Variants in BCR observed in about 807,000 individuals in gnomAD.
BCR encodes breakpoint cluster region protein.
A neutral mutation model predicts 138.6 loss-of-function variants in BCR; 58 were observed. That is an observed-to-expected ratio of 0.42 (90% CI 0.34 to 0.52). The LOEUF is 0.52. Among genes scored for constraint, BCR ranks in the 20% least tolerant of loss-of-function variants. BCR has a pLI of 0.06. For missense variants in BCR, 1,599 were observed against 1,727.2 expected, an observed-to-expected ratio of 0.93 and a Z score of 1.32; for synonymous variants, 786 against 730.1, an observed-to-expected ratio of 1.08 and a Z score of -1.23.
chr22:23,243,358 A>AT (rs1269576304), intron 1 of BCR, among the ~76,000 whole-genome samples: 2 of 152,174 alleles, frequency 1.3e-5, no homozygotes. Flanking sequence ...GTCTACAGCC[A>AT]TGCCAGCCTG....
At position 23,191,128 on chromosome 22, in the gene BCR, G is replaced by T. The variant is rs115423594; in HGVS notation, c.1279+8889G>T. Among the ~76,000 whole-genome samples, 1,502 of 152,160 alleles carry T rather than the reference G, an allele frequency of 9.9e-3. 21 individuals carry two copies. The highest frequency in any genetic ancestry group is 0.035 in the African/African-American group (1,432 of 41,494). ...TTAATTTTTGTTGAGACAGGGTCTT[G>T]CTTTGTTGCCCAGGCTGGTCTCAAA... On this transcript the variant is annotated intron_variant, in intron 1 of 22. Coordinates refer to ENST00000305877, the MANE Select transcript of BCR (RefSeq NM_004327.4).
At chr22:23,185,720 T>A (rs1344883553) in intron 1 of BCR, among the ~76,000 whole-genome samples, 1 of 138,782 alleles carries the variant, frequency 7.2e-6, no homozygotes, top group Non-Finnish European at 1.6e-5. Context: ...TGGTTCTCTC[T>A]GTTTTTTTTG....
intron 1 of BCR, among the ~76,000 whole-genome samples, chr22:23,224,134 T>G (rs1205499769): frequency 6.6e-6 from 1 of 152,240 alleles, no homozygotes; most frequent in Non-Finnish European, 1.5e-5. Flanking sequence ...ATCTCTCGAC[T>G]GTGGCCGCCA....
intron 8 of BCR, among the ~76,000 whole-genome samples, chr22:23,275,388 CTCA>C (rs2073564669): frequency 6.6e-6 from 1 of 152,248 alleles, no homozygotes; most frequent in African/African-American, 2.4e-5. Flanking sequence ...ATGGCCCCAC[CTCA>C]TCGGGCACCT....
intron 4 of BCR, chr22:23,263,934 C>T: frequency 1.1e-6 from 1 of 929,384 alleles, no homozygotes; most frequent in East Asian, 2.4e-5. Flanking sequence ...CTTCTCACCC[C>T]TGAAAATCTG....
chr22:23,305,242 A>ACC, intron 16 of BCR, among the ~76,000 whole-genome samples: 1 of 151,860 alleles, frequency 6.6e-6, no homozygotes, highest in Middle Eastern at 3.4e-3. Context: ...GCAAAGACCC[A>ACC]CCCCCGGGAG....
intron 4 of BCR, chr22:23,264,810 C>A (rs796066680): frequency 3.8e-4 from 59 of 153,356 alleles, no homozygotes; most frequent in African/African-American, 1.3e-3. Context: ...GCTTGACCAA[C>A]CTCTCGGGGC....
intron 22 of BCR, 141 bp from the exon 23 acceptor site, chr22:23,315,292 C>T (rs1359929930): frequency 2.0e-5 from 13 of 647,886 alleles, no homozygotes; most frequent in Non-Finnish European, 3.7e-5. Flanking sequence ...CCACCCCCAT[C>T]TCACTGTAAG....
intron 16 of BCR, among the ~76,000 whole-genome samples, chr22:23,299,279 T>G (rs1211730873): frequency 6.6e-6 from 1 of 152,218 alleles, no homozygotes; most frequent in East Asian, 1.9e-4. Context: ...CCACCACGCC[T>G]AGCTCCAAGA....
chr22:23,222,975 C>T (rs1202982681), intron 1 of BCR, among the ~76,000 whole-genome samples: 2 of 152,174 alleles, frequency 1.3e-5, no homozygotes, highest in African/African-American at 4.8e-5. Context: ...TAGATAAGGG[C>T]TCCCTGCTTC....
Position 23,285,119 on chromosome 22 carries a change from A to G in BCR, c.2324A>G (p.Asn775Ser), listed in dbSNP as rs778458882. ...GTGGATGAACTGGAGGCAGTGCCCA[A>G]CATCCCCCTGGTGCCCGATGAGGAG... ...QMVDELEAVP[N>S]IPLVPDEELD... Residue 775 changes from asparagine (N) to serine (S), a missense_variant, in exon 10 of 23, where the codon AAC (asparagine) becomes AGC (serine). Physicochemically the swap from Asn to Ser is conservative, Grantham distance 46. Coordinates refer to ENST00000305877, the MANE Select transcript of BCR (RefSeq NM_004327.4). The G allele has an allele frequency of 6.2e-6, 10 of 1,614,104 alleles. No individual in the cohort carries two copies. Among genetic ancestry groups the G allele is most frequent in the Admixed American group, 1.7e-5 (1 of 60,020 alleles).
chr22:23,263,084 A>G, intron 4 of BCR: 2 of 703,402 alleles, frequency 2.8e-6, no homozygotes, highest in East Asian at 2.8e-5. Flanking sequence ...CGGGAAGAGT[A>G]CAAGGACAAG....
At chr22:23,230,021 G>C (rs755319000) in intron 1 of BCR, among the ~76,000 whole-genome samples, 1 of 151,302 alleles carries the variant, frequency 6.6e-6, no homozygotes, top group Non-Finnish European at 1.5e-5. Flanking sequence ...CTGGGCTTTT[G>C]GTTAGAGAGA....
chr22:23,264,262 G>A (rs1467030630), intron 4 of BCR: 13 of 928,966 alleles, frequency 1.4e-5, no homozygotes, highest in African/African-American at 3.2e-5. Flanking sequence ...ACGTCGACCC[G>A]CCTCGGCAGC....
At chr22:23,182,938 G>A (rs868695193) in intron 1 of BCR, among the ~76,000 whole-genome samples, 2 of 152,152 alleles carry the variant, frequency 1.3e-5, no homozygotes, top group South Asian at 4.1e-4. Flanking sequence ...GATCTGCCTG[G>A]CTTTGATGGG....
intron 1 of BCR, among the ~76,000 whole-genome samples, chr22:23,233,102 A>G (rs912535726): frequency 2.6e-5 from 4 of 152,148 alleles, no homozygotes; most frequent in African/African-American, 7.2e-5. Flanking sequence ...AGGCTCTTCT[A>G]TGCCTTCTGT....
At chr22:23,200,768 C>T (rs373064860) in intron 1 of BCR, among the ~76,000 whole-genome samples, 51 of 152,076 alleles carry the variant, frequency 3.4e-4, no homozygotes, top group East Asian at 2.7e-3. Flanking sequence ...TCATGTTGCC[C>T]GTGCCAGTCT....
chr22:23,263,902 C>T, intron 4 of BCR: 1 of 954,078 alleles, frequency 1.0e-6, no homozygotes, highest in Non-Finnish European at 1.7e-6. Flanking sequence ...TCTTTTGTGA[C>T]AGGGACGGCT....
intron 1 of BCR, among the ~76,000 whole-genome samples, chr22:23,232,055 A>G (rs1204607150): frequency 3.9e-5 from 6 of 152,168 alleles, no homozygotes; most frequent in Non-Finnish European, 8.8e-5. Context: ...TGTAGTAACT[A>G]ATACCTTAGT....
Sources: gnomAD v4.1 joint callset for allele counts (sites outside exome capture counted in the v4.1 genomes callset) on GRCh38, gnomAD v4.1.1 for gene constraint, MANE v1.5 for transcripts, NCBI Gene and HGNC (gene_info 2026-07-23, HGNC 2026-07-21) for gene names.